The following KIF23 variants were observed in gnomAD, a reference collection of about 807,000 sequenced individuals.
KIF23 encodes the protein kinesin family member 23.
In KIF23, 30 loss-of-function variants were observed where a neutral mutation model predicts 137.5. That is an observed-to-expected ratio of 0.22 (90% CI 0.16 to 0.30). The LOEUF is 0.30. Among genes scored for constraint, KIF23 ranks in the 10% least tolerant of loss-of-function variants. The pLI, the probability that KIF23 is intolerant of heterozygous loss-of-function variation, is 1.00. For missense variants in KIF23, 920 were observed against 1,194.3 expected, an observed-to-expected ratio of 0.77 and a Z score of 3.38; for synonymous variants, 367 against 391.1, an observed-to-expected ratio of 0.94 and a Z score of 0.73.
chr15:69,417,009 T>A (rs2056932556), intron 2 of KIF23, among the ~76,000 whole-genome samples: 1 of 152,078 alleles, frequency 6.6e-6, no homozygotes, highest in Admixed American at 6.6e-5. Context: ...AGCTGACAAG[T>A]TTTTAAATTG....
chr15:69,442,448 T>C (rs2057643866), intron 19 of KIF23, among the ~76,000 whole-genome samples: 2 of 152,246 alleles, frequency 1.3e-5, no homozygotes, highest in African/African-American at 4.8e-5. Context: ...TTCTTCTAAA[T>C]CTTACAGTAA....
Position 69,414,486 on chromosome 15 carries a change from A to G in KIF23, c.11+10A>G. On this transcript the variant is annotated intron_variant, in intron 1 of 23. Coordinates refer to ENST00000679126, the MANE Select transcript of KIF23 (RefSeq NM_001367805.3). Reference sequence around the variant, plus strand: ...CTGCCATGAAGTCAGCGTGAGTACGAGGCCGCCGAGCAGGGAGAGAGGGCG... The same window carrying G: ...CTGCCATGAAGTCAGCGTGAGTACGGGGCCGCCGAGCAGGGAGAGAGGGCG... 1 of 1,578,602 alleles carries G rather than the reference A, an allele frequency of 6.3e-7. No individual in the cohort carries two copies. Among genetic ancestry groups the G allele is most frequent in the Non-Finnish European group, 8.6e-7 (1 of 1,162,376 alleles).
At chr15:69,430,909 A>G (rs4412924) in intron 11 of KIF23, among the ~76,000 whole-genome samples, 151,774 of 152,300 alleles carry the variant, frequency 1, 75,625 homozygotes, top group Middle Eastern at 1. Context: ...CTGGAGCCAG[A>G]TTGGTTGGAC....
chr15:69,436,809 C>A, intron 15 of KIF23, 87 bp downstream of exon 15: 2 of 827,796 alleles, frequency 2.4e-6, no homozygotes, highest in Non-Finnish European at 3.4e-6. Flanking sequence ...GGGTGGAGTG[C>A]AGTGGCACAA....
At chr15:69,428,589 G>T (rs533446682) in intron 10 of KIF23, among the ~76,000 whole-genome samples, 2 of 149,734 alleles carry the variant, frequency 1.3e-5, no homozygotes, top group African/African-American at 2.5e-5. Context: ...GAACCCAGGA[G>T]GGGGAGGTTG....
At chr15:69,421,349 T>C (rs573753989) in intron 3 of KIF23, among the ~76,000 whole-genome samples, 12 of 152,200 alleles carry the variant, frequency 7.9e-5, no homozygotes, top group Non-Finnish European at 1.5e-4. Context: ...GATTGTGTCA[T>C]TGCACTCCAG....
chr15:69,438,272 A>G lies in KIF23; in HGVS notation c.1622A>G (p.Gln541Arg). Reference sequence around the variant, plus strand: ...GCTAATGCTTTTAAAGCTTTGTTACAAGAATTTGACAATGCTGTTTTAAGT... The same window carrying G: ...GCTAATGCTTTTAAAGCTTTGTTACGAGAATTTGACAATGCTGTTTTAAGT... ...KQSNAFKALL[Q>R]EFDNAVLSKE... is the part of the protein sequence containing the mutation. Residue 541 changes from glutamine (Q) to arginine (R), a missense_variant, in exon 16 of 24, where the codon CAA becomes CGA. Coordinates refer to ENST00000679126, the MANE Select transcript of KIF23 (RefSeq NM_001367805.3). 6.2e-7 allele frequency: 1 copy of G among 1,606,798 alleles called. No homozygotes were observed. Among genetic ancestry groups the G allele is most frequent in the Non-Finnish European group, 8.5e-7 (1 of 1,178,224 alleles).
intron 10 of KIF23, among the ~76,000 whole-genome samples, chr15:69,428,705 A>G (rs1181081712): frequency 6.7e-6 from 1 of 149,884 alleles, no homozygotes; most frequent in African/African-American, 2.5e-5. Context: ...TATTTATAGC[A>G]TTATGAAATT....
rs76148443 is a variant in KIF23, at chr15:69,440,981, G to T, written c.2323G>T (p.Val775Leu). The stretch of plus-strand genomic sequence containing the variant: ...GCCAGGACAAAGCAAAACTTGTATC[G>T]TGTCAGACAGAAGGCGAGGGATGTA... ...QEPGQSKTCI[V>L]SDRRRGMYWT... Residue 775 changes from valine to leucine, a missense_variant, in exon 19 of 24, where the codon GTG (valine) becomes TTG (leucine). By Grantham distance (32) the Val-to-Leu change is conservative. Coordinates refer to ENST00000679126, the MANE Select transcript of KIF23 (RefSeq NM_001367805.3). The T allele has an allele frequency of 3.0e-5, 48 of 1,614,090 alleles. No individual in the cohort carries two copies. In the African/African-American group the frequency reaches 6.0e-4, roughly 20 times the overall value.
At chr15:69,424,852 T>A (rs2057149835) in intron 7 of KIF23, among the ~76,000 whole-genome samples, 1 of 152,232 alleles carries the variant, frequency 6.6e-6, no homozygotes, top group Non-Finnish European at 1.5e-5. Flanking sequence ...CCCATTTGTT[T>A]TAAAGTGTCA....
chr15:69,422,988 G>A (rs1309900727), intron 6 of KIF23, 171 bp from the exon 7 acceptor site: 7 of 489,690 alleles, frequency 1.4e-5, no homozygotes, highest in Admixed American at 4.0e-5. Flanking sequence ...TAGTAGAGAC[G>A]GGGTTTCACC....
chr15:69,447,256 G>A (rs138877853), intron 23 of KIF23, among the ~76,000 whole-genome samples: 2 of 152,154 alleles, frequency 1.3e-5, no homozygotes, highest in African/African-American at 4.8e-5. Flanking sequence ...AAGGAGGGAA[G>A]GCTAAAGGCT....
chr15:69,428,541 T>A (rs1258242898), intron 10 of KIF23, among the ~76,000 whole-genome samples: 2 of 149,934 alleles, frequency 1.3e-5, no homozygotes, highest in African/African-American at 2.5e-5. Flanking sequence ...ACGCCTGTAA[T>A]CCCAGTTACT....
chr15:69,423,121 G>C (rs753113716), intron 6 of KIF23, 38 bp from the exon 7 acceptor site: 1 of 1,333,456 alleles, frequency 7.5e-7, no homozygotes. Flanking sequence ...TTTTAAAATG[G>C]ACTTATAACG....
intron 1 of KIF23, chr15:69,415,174 A>C (rs1409317873): frequency 6.6e-6 from 1 of 152,228 alleles, no homozygotes; most frequent in East Asian, 1.9e-4. Context: ...AGTCGTTTGC[A>C]AAAGACAACT....
At position 69,435,708 on chromosome 15, in the gene KIF23, G is replaced by A. The variant is rs763662050; in HGVS notation, c.1251G>A (p.Gly417=). 1.9e-6 allele frequency: 3 copies of A among 1,614,132 alleles called. No homozygotes were observed. Among genetic ancestry groups the A allele is most frequent in the Non-Finnish European group, 2.5e-6 (3 of 1,180,022 alleles). Residue 417 remains glycine, a synonymous_variant, in exon 13 of 24, where the codon GGG becomes GGA. Transcript: ENST00000679126. ...ATCTGTTCAAGAACTACTTTGATGG[G>A]GAAGGAAAAGTGCGGATGATCGTGT... ...LTHLFKNYFD[G]EGKVRMIVCV...
At chr15:69,443,593 T>C (rs1047716833) in intron 19 of KIF23, 9 of 152,038 alleles carry the variant, frequency 5.9e-5, no homozygotes, top group African/African-American at 2.2e-4. Flanking sequence ...CTCACAAATG[T>C]TGGGATAACA....
chr15:69,443,326 GTTTTTTTT>G (rs10538305), intron 19 of KIF23, among the ~76,000 whole-genome samples: 2 of 58,584 alleles, frequency 3.4e-5, no homozygotes, highest in Non-Finnish European at 6.3e-5. Context: ...TGTTTTTTGG[GTTTTTTTT>G]TTTTTTTTTT....
chr15:69,417,299 A>C (rs1454383612), intron 2 of KIF23, 84 bp from the exon 3 acceptor site: 3 of 1,209,678 alleles, frequency 2.5e-6, no homozygotes, highest in Non-Finnish European at 3.4e-6. Flanking sequence ...ATGTTTGTTG[A>C]ATGAATGAAT....
Sources: gnomAD v4.1 joint callset for allele counts (sites outside exome capture counted in the v4.1 genomes callset) on GRCh38, gnomAD v4.1.1 for gene constraint, MANE v1.5 for transcripts, NCBI Gene and HGNC (gene_info 2026-07-23, HGNC 2026-07-21) for gene names.